Variants in CTNNA2 observed in about 807,000 individuals in gnomAD.
CTNNA2 encodes the protein catenin alpha-2.
A neutral mutation model predicts 101.0 loss-of-function variants in CTNNA2; 42 were observed. The ratio of observed to expected loss-of-function variants is 0.42; its 90% confidence interval spans 0.32 to 0.54. The LOEUF is 0.54. CTNNA2 is among the 20% of genes least tolerant of loss of function. CTNNA2 has a pLI of 0.14. For synonymous variants in CTNNA2, 450 were observed against 456.4 expected, an observed-to-expected ratio of 0.99 and a Z score of 0.18; for missense variants, 871 against 1,223.1, an observed-to-expected ratio of 0.71 and a Z score of 4.29.
At chr2:80,388,374 A>G (rs1677207712) in intron 7 of CTNNA2, among the ~76,000 whole-genome samples, 2 of 152,170 alleles carry the variant, frequency 1.3e-5, no homozygotes, top group Admixed American at 6.5e-5. Flanking sequence ...TACAGGGCCT[A>G]TGTCTTTTTA....
intron 4 of CTNNA2, among the ~76,000 whole-genome samples, chr2:79,442,080 T>C (rs1463378141): frequency 6.6e-6 from 1 of 152,186 alleles, no homozygotes; most frequent in Non-Finnish European, 1.5e-5. Context: ...TCACAATCTG[T>C]AATTGTTTTA....
chr2:79,949,661 A>T (rs2196157), intron 7 of CTNNA2, among the ~76,000 whole-genome samples: 1 of 151,952 alleles, frequency 6.6e-6, no homozygotes, highest in Non-Finnish European at 1.5e-5. Context: ...GCCTATAGTC[A>T]CAGCTATTTG....
rs75603666 is a variant in CTNNA2, at chr2:80,545,143, C to T, written c.1383+69C>T. ...CTCCACTCCAGCCCTTGTGCCCCTC[C>T]TTTTCCTTCTCTATTTCCTCTTGCT... On this transcript the variant is annotated intron_variant, in intron 10 of 18. Coordinates refer to ENST00000402739, the MANE Select transcript of CTNNA2 (RefSeq NM_001282597.3). The T allele has an allele frequency of 1.0e-3, 1,470 of 1,425,734 alleles. 9 individuals are homozygous for T. The African/African-American group carries it at 0.019, about 18-fold the overall frequency. The allele number at this position is 1,425,734 out of a possible 1,614,324, so 88.3% of individuals were successfully genotyped here.
rs3739139 is a variant in CTNNA2, at chr2:79,651,538, A to G, written c.-5-14A>G. ...AAGATGATTATTTCTAACTGATTACATGTGTTCCCATAGGGAGCATGACTT... is the reference window on the plus strand; with the variant it reads ...AAGATGATTATTTCTAACTGATTACGTGTGTTCCCATAGGGAGCATGACTT... On this transcript the variant is annotated splice_polypyrimidine_tract_variant and intron_variant, in intron 1 of 18. Coordinates refer to ENST00000402739, the MANE Select transcript of CTNNA2 (RefSeq NM_001282597.3). 0.2 allele frequency: 313,218 copies of G among 1,600,996 alleles called. 35,733 individuals carry two copies. Among genetic ancestry groups the G allele is most frequent in the African/African-American group, 0.48 (35,857 of 74,596 alleles).
chr2:80,001,992 C>G (rs1050776762), intron 7 of CTNNA2, among the ~76,000 whole-genome samples: 1 of 152,222 alleles, frequency 6.6e-6, no homozygotes, highest in Non-Finnish European at 1.5e-5. Context: ...ACATACCTCT[C>G]TGTACTTCCA....
chr2:79,927,686 T>C (rs1687117562), intron 7 of CTNNA2, among the ~76,000 whole-genome samples: 1 of 152,238 alleles, frequency 6.6e-6, no homozygotes, highest in South Asian at 2.1e-4. Flanking sequence ...GTGTTTAAAA[T>C]CTGTCATATA....
intron 7 of CTNNA2, among the ~76,000 whole-genome samples, chr2:80,245,168 T>G (rs1382287007): frequency 6.6e-6 from 1 of 152,258 alleles, no homozygotes; most frequent in Non-Finnish European, 1.5e-5. Context: ...TTGTTATTAC[T>G]TGAAGTTTCT....
intron 9 of CTNNA2, among the ~76,000 whole-genome samples, chr2:80,470,874 A>G (rs1685245050): frequency 6.6e-6 from 1 of 152,190 alleles, no homozygotes; most frequent in African/African-American, 2.4e-5. Flanking sequence ...GAAGAGTTTC[A>G]TTGAGATGAG....
At chr2:80,101,568 C>T (rs1160619701) in intron 7 of CTNNA2, among the ~76,000 whole-genome samples, 1 of 152,130 alleles carries the variant, frequency 6.6e-6, no homozygotes, top group African/African-American at 2.4e-5. Flanking sequence ...CTCCTAATAG[C>T]GAAAGGAAGA....
intron 7 of CTNNA2, among the ~76,000 whole-genome samples, chr2:80,069,121 C>T (rs1371769940): frequency 6.6e-6 from 1 of 152,156 alleles, no homozygotes; most frequent in Admixed American, 6.5e-5. Flanking sequence ...CTCCAATGTC[C>T]AAGGGCAGAG....
At chr2:80,214,351 C>T (rs544072175) in intron 7 of CTNNA2, among the ~76,000 whole-genome samples, 197 of 152,156 alleles carry the variant, frequency 1.3e-3, no homozygotes, top group Non-Finnish European at 1.8e-3. Context: ...TGGCTGGTAC[C>T]AGTTGTTCCT....
In CTNNA2 at chr2:80,545,921, T is replaced by C. The variant is rs183388824; in HGVS notation, c.1398T>C (p.Ala466=). The change falls in exon 11 of 19, where the codon GCT becomes GCC. Residue 466 remains alanine (A), a synonymous_variant. Coordinates refer to ENST00000402739, the MANE Select transcript of CTNNA2 (RefSeq NM_001282597.3). ...CCAACAAATAGGTCATCAATGCCGC[T>C]CTGACACTGGCTGCCCGGCCACAGA... ...DSLCPQVINA[A]LTLAARPQSK... The C allele has an allele frequency of 1.8e-5, 29 of 1,614,056 alleles. No homozygotes were observed. The African/African-American group carries it at 3.5e-4, about 19-fold the overall frequency.
At chr2:80,632,040 G>A (rs1157479904) in intron 18 of CTNNA2, among the ~76,000 whole-genome samples, 1 of 152,000 alleles carries the variant, frequency 6.6e-6, no homozygotes, top group Admixed American at 6.6e-5. Context: ...TGATGCATAA[G>A]ACCACCTGAC....
At chr2:80,149,774 TCACA>T (rs10595115) in intron 7 of CTNNA2, among the ~76,000 whole-genome samples, 28,353 of 143,036 alleles carry the variant, frequency 0.2, 2,809 homozygotes, top group South Asian at 0.35. Context: ...TTAGAATGGA[TCACA>T]CACACACACA....
chr2:80,574,343 G>T, intron 13 of CTNNA2, 29 bp downstream of exon 13: 1 of 1,548,300 alleles, frequency 6.5e-7, no homozygotes, highest in South Asian at 1.2e-5. Context: ...GCTCAGAGCT[G>T]GTCAGATCTC....
intron 1 of CTNNA2, among the ~76,000 whole-genome samples, chr2:79,519,988 G>A (rs893394150): frequency 6.6e-6 from 1 of 152,208 alleles, no homozygotes; most frequent in East Asian, 1.9e-4. Flanking sequence ...ATGCTTTAAG[G>A]TTAATATTTC....
intron 7 of CTNNA2, among the ~76,000 whole-genome samples, chr2:80,040,302 A>AT (rs1241793549): frequency 2.0e-5 from 3 of 152,120 alleles, no homozygotes; most frequent in African/African-American, 7.2e-5. Flanking sequence ...TTCCTGAAGT[A>AT]TTTTTTCTGT....
At chr2:80,578,447 C>T (rs1018799829) in intron 13 of CTNNA2, among the ~76,000 whole-genome samples, 4 of 152,144 alleles carry the variant, frequency 2.6e-5, no homozygotes, top group African/African-American at 7.2e-5. Flanking sequence ...TGTAATTTTC[C>T]ATGTTTCCTT....
intron 7 of CTNNA2, among the ~76,000 whole-genome samples, chr2:80,129,603 A>G (rs1198342694): frequency 1.3e-5 from 2 of 152,158 alleles, no homozygotes; most frequent in East Asian, 1.9e-4. Context: ...CTAGGCACCA[A>G]TCACCACTGT....
Sources: allele counts gnomAD v4.1 joint callset (sites outside exome capture counted in the v4.1 genomes callset), GRCh38; gene constraint gnomAD v4.1.1; transcripts MANE v1.5; gene names NCBI Gene and HGNC (gene_info 2026-07-23, HGNC 2026-07-21).